Variants in PCDHGA8 observed in about 807,000 individuals in gnomAD.
PCDHGA8 encodes the protein protocadherin gamma subfamily A, 8, also known as protocadherin gamma-A8.
In PCDHGA8, 45 loss-of-function variants were observed where a neutral mutation model predicts 59.2. The ratio of observed to expected loss-of-function variants is 0.76; its 90% CI spans 0.60 to 0.98. PCDHGA8 has a LOEUF of 0.98. Ranked by LOEUF, PCDHGA8 falls within the 50% of genes least tolerant of loss-of-function variation. The pLI, the probability that PCDHGA8 is intolerant of heterozygous loss-of-function variation, is 0.00. For missense variants in PCDHGA8, 1,257 were observed against 1,196.2 expected, an observed-to-expected ratio of 1.05 and a Z score of -0.75; for synonymous variants, 531 against 519.0, an observed-to-expected ratio of 1.02 and a Z score of -0.32.
Position 141,393,710 on chromosome 5 carries a change from G to T in PCDHGA8, c.897G>T (p.Gly299=), listed in dbSNP as rs143738602. Residue 299 remains glycine, a synonymous_variant, in exon 1 of 4, where the codon GGG becomes GGT. Transcript: ENST00000398604. Reference sequence around the variant, plus strand: ...TATTCCAGCTTAATGAAAATACTGGGGAAATATCAATAGCAAAAAGTCTAG... The same window carrying T: ...TATTCCAGCTTAATGAAAATACTGGTGAAATATCAATAGCAAAAAGTCTAG... ...TPLFQLNENT[G]EISIAKSLDY... 837 of 1,613,794 alleles carry T rather than the reference G, an allele frequency of 5.2e-4. 2 individuals carry two copies. In the African/African-American group the frequency reaches 1.0e-2, roughly 19 times the overall value.
chr5:141,422,069 C>A, intron 1 of PCDHGA8: 3 of 1,611,836 alleles, frequency 1.9e-6, no homozygotes, highest in Non-Finnish European at 2.5e-6. Flanking sequence ...GTAATGTATT[C>A]ATTTCGGAAC....
chr5:141,423,226 G>A lies in PCDHGA8; in HGVS notation c.2424+27989G>A, dbSNP rs775936938. On this transcript the variant is annotated intron_variant, in intron 1 of 3. Coordinates refer to ENST00000398604, the MANE Select transcript of PCDHGA8 (RefSeq NM_032088.2). The stretch of plus-strand genomic sequence containing the variant: ...CGTCACGCTCACCGTGGCTGTGGCC[G>A]ACAGCATCCCCGAAGTCCTGGCGGA... The A allele has an allele frequency of 2.2e-5, 36 of 1,613,708 alleles. No homozygotes were observed. The highest frequency in any genetic ancestry group is 2.6e-5 in the Non-Finnish European group (31 of 1,180,034).
At chr5:141,398,910 G>A (rs1465229535) in intron 1 of PCDHGA8, 1 of 1,613,972 alleles carries the variant, frequency 6.2e-7, no homozygotes, top group South Asian at 1.1e-5. Flanking sequence ...GCACCACTGT[G>A]TTGCAAGTGT....
Position 141,423,433 on chromosome 5 carries a change from A to G in PCDHGA8, c.2424+28196A>G, listed in dbSNP as rs746170494. ...GGCTTCTGAAGGCGGGTTGGCAGGT[A>G]TGCCCACGTCACATTTTGTAGGCGT... On this transcript the variant is annotated intron_variant, in intron 1 of 3. Coordinates refer to ENST00000398604, the MANE Select transcript of PCDHGA8 (RefSeq NM_032088.2). 3.1e-6 allele frequency: 5 copies of G among 1,614,010 alleles called. No homozygotes were observed. The East Asian group carries it at 8.9e-5, about 29-fold the overall frequency.
intron 1 of PCDHGA8, chr5:141,410,663 T>C (rs2095415377): frequency 6.4e-7 from 1 of 1,570,102 alleles, no homozygotes; most frequent in Non-Finnish European, 8.6e-7. Flanking sequence ...AATAGTCTAC[T>C]AGTTTCTCAT....
rs1055747392 is a variant in PCDHGA8 at position 141,490,298 on chromosome 5, C to G, written c.2425-4509C>G. 6.2e-7 allele frequency: 1 copy of G among 1,614,178 alleles called. No individual in the cohort carries two copies. The highest frequency in any genetic ancestry group is 1.3e-5 in the African/African-American group (1 of 75,036). On this transcript the variant is annotated intron_variant, in intron 1 of 3. Transcript: ENST00000398604. The surrounding 1 kb of genome is among the most constrained non-coding windows in gnomAD (Gnocchi z 5.4). ...GACAATGCCCCAGAGGTGCTATTGG[C>G]CTCTTTGGCCAACCCTGTCCTAGAG...
intron 1 of PCDHGA8, among the ~76,000 whole-genome samples, chr5:141,434,766 A>T (rs1383531828): frequency 1.3e-5 from 2 of 151,012 alleles, no homozygotes; most frequent in Non-Finnish European, 3.0e-5. Context: ...CCCACTTCAC[A>T]CTTCTAAAAA....
chr5:141,432,235 T>C lies in PCDHGA8; in HGVS notation c.2424+36998T>C, dbSNP rs1240828849. 1 of 1,614,102 alleles carries C rather than the reference T, an allele frequency of 6.2e-7. No individual in the cohort carries two copies. The highest frequency in any genetic ancestry group is 8.5e-7 in the Non-Finnish European group (1 of 1,180,050). ...ACGCCCAGATCACTTATTCCCTGGC[T>C]GAGAACACCATCCAAGGGGCAAGCC... On this transcript the variant is annotated intron_variant, in intron 1 of 3. Transcript: ENST00000398604. The surrounding 1 kb of genome is among the most constrained non-coding windows in gnomAD (Gnocchi z 6.0).
At chr5:141,460,912 GTA>G (rs34683754) in intron 1 of PCDHGA8, among the ~76,000 whole-genome samples, 12 of 149,310 alleles carry the variant, frequency 8.0e-5, no homozygotes, top group African/African-American at 7.4e-5. Flanking sequence ...ATTCCATGGT[GTA>G]TATATATATA....
Position 141,392,778 on chromosome 5 carries a change from G to A in PCDHGA8, c.-36G>A, listed in dbSNP as rs375878103. ...ACTAAATAAGACCCATTTATGCACA[G>A]TGAAGATTCTGAGAGGATTCTGCAG... On this transcript the variant is annotated 5_prime_UTR_variant, in exon 1 of 4. The change creates a new upstream start codon in the 5' untranslated region. Coordinates refer to ENST00000398604, the MANE Select transcript of PCDHGA8 (RefSeq NM_032088.2). 5 of 1,533,872 alleles carry A rather than the reference G, an allele frequency of 3.3e-6. No homozygotes were observed. The African/African-American group carries it at 6.9e-5, about 21-fold the overall frequency.
Position 141,476,013 on chromosome 5 carries a change from G to A in PCDHGA8, c.2425-18794G>A. ...AAATCAACGGCATCCAGAAAGCCAT[G>A]TCGGACTCGGCGCCCAGCGCCCAAG... On this transcript the variant is annotated intron_variant, in intron 1 of 3. Coordinates refer to ENST00000398604, the MANE Select transcript of PCDHGA8 (RefSeq NM_032088.2). The surrounding 1 kb of genome is among the most constrained non-coding windows in gnomAD (Gnocchi z 7.6). The A allele has an allele frequency of 7.5e-7, 1 of 1,334,720 alleles. No individual in the cohort carries two copies. The highest frequency in any genetic ancestry group is 1.0e-6 in the Non-Finnish European group (1 of 983,502). 82.7% of individuals were successfully genotyped at this position (1,334,720 alleles called of 1,614,324 possible). A position where few individuals can be genotyped will look rare whatever the true frequency, so the allele number is the denominator to read the frequency against.
intron 1 of PCDHGA8, chr5:141,419,158 C>T (rs757849297): frequency 5.0e-6 from 8 of 1,613,950 alleles, no homozygotes; most frequent in Admixed American, 1.7e-5. Context: ...CTCCGTTATC[C>T]TCCAGCAAAA....
intron 3 of PCDHGA8, among the ~76,000 whole-genome samples, chr5:141,508,616 G>T (rs1007206932): frequency 6.6e-6 from 1 of 152,114 alleles, no homozygotes; most frequent in African/African-American, 2.4e-5. Flanking sequence ...ATAGGACGTG[G>T]GTGGGCCGAG....
chr5:141,410,502 T>C, intron 1 of PCDHGA8: 2 of 1,614,018 alleles, frequency 1.2e-6, no homozygotes, highest in Non-Finnish European at 1.7e-6. Context: ...TTTAATTTCC[T>C]AAAATGCAGT....
At chr5:141,410,739 A>G in intron 1 of PCDHGA8, 1 of 1,303,782 alleles carries the variant, frequency 7.7e-7, no homozygotes. Flanking sequence ...GCTTTTTACA[A>G]TATTTTCTCA....
At chr5:141,397,183 T>C (rs1319444729) in intron 1 of PCDHGA8, among the ~76,000 whole-genome samples, 2 of 152,190 alleles carry the variant, frequency 1.3e-5, no homozygotes, top group East Asian at 3.8e-4. Flanking sequence ...AATGAATTTA[T>C]GTACTGTAAA....
intron 1 of PCDHGA8, among the ~76,000 whole-genome samples, chr5:141,454,658 G>A (rs961640658): frequency 7.2e-5 from 11 of 151,812 alleles, no homozygotes; most frequent in Admixed American, 6.6e-5. Context: ...TGCCCACCTC[G>A]GCCTCCCAAA....
At chr5:141,499,189 C>T (rs1406015145) in intron 2 of PCDHGA8, among the ~76,000 whole-genome samples, 3 of 152,088 alleles carry the variant, frequency 2.0e-5, no homozygotes, top group African/African-American at 7.2e-5. Flanking sequence ...AAACCATTTC[C>T]CCCTTCTTAG....
chr5:141,410,689 C>T, intron 1 of PCDHGA8: 2 of 1,514,926 alleles, frequency 1.3e-6, no homozygotes, highest in Non-Finnish European at 1.8e-6. Flanking sequence ...AGGCATACTA[C>T]TTTATTTTCA....
Sources: allele counts gnomAD v4.1 joint callset (sites outside exome capture counted in the v4.1 genomes callset), GRCh38; gene constraint gnomAD v4.1.1; non-coding constraint Gnocchi (gnomAD v3.1); transcripts MANE v1.5; gene names NCBI Gene and HGNC (gene_info 2026-07-23, HGNC 2026-07-21).